Variants in DLG2 observed in about 807,000 individuals in gnomAD.
The protein encoded by DLG2 is disks large homolog 2.
In DLG2, 45 loss-of-function variants were observed where a neutral mutation model predicts 132.5. The ratio of observed to expected loss-of-function variants is 0.34; its 90% CI spans 0.27 to 0.44. DLG2 has a LOEUF of 0.44. Among genes scored for constraint, DLG2 ranks in the 20% least tolerant of loss-of-function variants. DLG2 has a pLI of 1.00. For missense variants in DLG2, 1,045 were observed against 1,196.9 expected, an observed-to-expected ratio of 0.87 and a Z score of 1.87; for synonymous variants, 424 against 419.6, an observed-to-expected ratio of 1.01 and a Z score of -0.13.
chr11:84,864,423 T>C (rs1417293262), intron 6 of DLG2, among the ~76,000 whole-genome samples: 1 of 152,184 alleles, frequency 6.6e-6, no homozygotes, highest in African/African-American at 2.4e-5. Flanking sequence ...TTCCTGTTAA[T>C]GTTCTTCTTT....
chr11:85,444,803 A>C (rs574465693), intron 3 of DLG2, among the ~76,000 whole-genome samples: 132 of 152,352 alleles, frequency 8.7e-4, no homozygotes, highest in African/African-American at 3.0e-3. Context: ...TTGGTACAAA[A>C]GTAATTGTGG....
intron 6 of DLG2, among the ~76,000 whole-genome samples, chr11:84,571,170 C>G (rs924832358): frequency 6.6e-6 from 1 of 152,086 alleles, no homozygotes; most frequent in Non-Finnish European, 1.5e-5. Context: ...AAGAGGTATG[C>G]TGTTTCTTAT....
intron 17 of DLG2, among the ~76,000 whole-genome samples, chr11:83,816,646 C>T (rs1385145860): frequency 1.3e-5 from 2 of 152,056 alleles, no homozygotes; most frequent in Non-Finnish European, 2.9e-5. Flanking sequence ...ACTACTAAAC[C>T]CATAATCACA....
intron 19 of DLG2, among the ~76,000 whole-genome samples, chr11:83,554,750 A>G (rs954222329): frequency 2.6e-5 from 4 of 152,164 alleles, no homozygotes; most frequent in South Asian, 2.1e-4. Context: ...GCCTTGCTCT[A>G]CTCCACAGTA....
intron 18 of DLG2, among the ~76,000 whole-genome samples, chr11:83,677,646 A>G (rs1466257866): frequency 6.6e-6 from 1 of 152,218 alleles, no homozygotes; most frequent in Non-Finnish European, 1.5e-5. Flanking sequence ...GGAAAAAATC[A>G]TTCATGTTAA....
chr11:85,149,064 T>G (rs908981261), intron 5 of DLG2, among the ~76,000 whole-genome samples: 1 of 152,170 alleles, frequency 6.6e-6, no homozygotes, highest in Non-Finnish European at 1.5e-5. Context: ...GTTGTAGATA[T>G]GTGGTGTTGT....
intron 19 of DLG2, among the ~76,000 whole-genome samples, chr11:83,573,712 G>A (rs1283769510): frequency 6.6e-6 from 1 of 152,076 alleles, no homozygotes; most frequent in African/African-American, 2.4e-5. Context: ...TTGCTAAAAT[G>A]TAGGAAACTT....
At chr11:84,369,522 C>A (rs1000446513) in intron 7 of DLG2, among the ~76,000 whole-genome samples, 2 of 152,014 alleles carry the variant, frequency 1.3e-5, no homozygotes, top group African/African-American at 4.8e-5. Context: ...TCATACAAAG[C>A]TTTTCTTGGG....
chr11:84,886,112 C>G (rs987554542), intron 6 of DLG2, among the ~76,000 whole-genome samples: 1 of 152,032 alleles, frequency 6.6e-6, no homozygotes, highest in African/African-American at 2.4e-5. Context: ...GGGGAGGCAA[C>G]AGCTTAACCT....
At chr11:83,952,479 T>C (rs1396993806) in intron 14 of DLG2, among the ~76,000 whole-genome samples, 1 of 152,222 alleles carries the variant, frequency 6.6e-6, no homozygotes, top group Non-Finnish European at 1.5e-5. Flanking sequence ...AAATTTGGCA[T>C]TTATATTAAA....
At chr11:84,089,510 G>A (rs1468148171) in intron 10 of DLG2, among the ~76,000 whole-genome samples, 1 of 152,114 alleles carries the variant, frequency 6.6e-6, no homozygotes, top group African/African-American at 2.4e-5. Flanking sequence ...ACAAAGGACA[G>A]CCAAAGGACA....
chr11:85,109,407 T>G (rs914922232), intron 6 of DLG2, among the ~76,000 whole-genome samples: 6 of 152,128 alleles, frequency 3.9e-5, no homozygotes, highest in Admixed American at 6.6e-5. Flanking sequence ...CTCTGACTTG[T>G]GATCTTCAGG....
intron 16 of DLG2, among the ~76,000 whole-genome samples, chr11:83,850,417 T>C (rs1331048108): frequency 2.0e-5 from 3 of 152,160 alleles, no homozygotes; most frequent in Non-Finnish European, 4.4e-5. Context: ...CCTCCCAAAG[T>C]GCTGGGATTA....
intron 6 of DLG2, among the ~76,000 whole-genome samples, chr11:84,627,118 G>A (rs1594213429): frequency 6.6e-6 from 1 of 152,032 alleles, no homozygotes. Flanking sequence ...TCATCTGCCT[G>A]CCTCAGCCTC....
intron 16 of DLG2, among the ~76,000 whole-genome samples, chr11:83,838,200 C>A (rs1321120762): frequency 1.3e-5 from 2 of 151,898 alleles, no homozygotes; most frequent in Non-Finnish European, 2.9e-5. Flanking sequence ...GAACAGAAAG[C>A]AAAATAGATT....
intron 6 of DLG2, among the ~76,000 whole-genome samples, chr11:85,076,074 GTCAA>G (rs1253078943): frequency 5.9e-5 from 9 of 151,962 alleles, no homozygotes; most frequent in African/African-American, 2.2e-4. Flanking sequence ...AAGCTTGTTG[GTCAA>G]TCTTTCATCA....
intron 6 of DLG2, among the ~76,000 whole-genome samples, chr11:84,720,644 G>T (rs905193393): frequency 6.6e-6 from 1 of 151,990 alleles, no homozygotes; most frequent in African/African-American, 2.4e-5. Flanking sequence ...TTCCCCCTAC[G>T]GTGAATTTGG....
At chr11:84,693,430 G>A (rs1193087174) in intron 6 of DLG2, among the ~76,000 whole-genome samples, 2 of 151,654 alleles carry the variant, frequency 1.3e-5, no homozygotes, top group Non-Finnish European at 3.0e-5. Context: ...GAGCCCTTGT[G>A]GCTAAACCAA....
chr11:85,242,624 C>T (rs2075942992), intron 4 of DLG2, among the ~76,000 whole-genome samples: 1 of 151,512 alleles, frequency 6.6e-6, no homozygotes, highest in African/African-American at 2.4e-5. Flanking sequence ...TTTTCAGCTG[C>T]ATTCATTCTA....
Sources: allele counts gnomAD v4.1 joint callset (sites outside exome capture counted in the v4.1 genomes callset), GRCh38; gene constraint gnomAD v4.1.1; transcripts MANE v1.5; gene names NCBI Gene and HGNC (gene_info 2026-07-23, HGNC 2026-07-21).